ADORA2B: variants seen among roughly 807,000 people sequenced by gnomAD.
ADORA2B encodes the protein adenosine receptor A2b.
A neutral mutation model predicts 20.8 loss-of-function variants in ADORA2B; 18 were observed. The observed-to-expected ratio is 0.87, with a 90% CI of 0.60 to 1.29. The LOEUF is 1.29. Ranked by LOEUF, ADORA2B falls within the 50% of genes most tolerant of loss-of-function variation. The probability of loss-of-function intolerance (pLI) is 0.00; values close to 1 mark genes in which losing one functional copy is unlikely to be tolerated. For synonymous variants in ADORA2B, 179 were observed against 178.3 expected (o/e 1.00, Z -0.03); for missense variants, 441 against 422.7 (o/e 1.04, Z -0.38).
chr17:15,940,391 C>T (rs1969733415), upstream of ADORA2B, among the ~76,000 whole-genome samples: 1 of 152,178 alleles, frequency 6.6e-6, no homozygotes, highest in Non-Finnish European at 1.5e-5. Flanking sequence ...GAACCAGTGA[C>T]AAGTCCTTGG....
At chr17:15,896,429 A>G in the ADORA2B span, among the ~76,000 whole-genome samples, 49,819 of 152,000 alleles carry the variant, frequency 0.33, 8,841 homozygotes, top group African/African-American at 0.46. Context: ...AAAATGTGGA[A>G]TTAAAACCAC....
the ADORA2B span, among the ~76,000 whole-genome samples, chr17:15,932,216 C>T: frequency 0.015 from 2,292 of 151,800 alleles, 69 homozygotes; most frequent in African/African-American, 0.052. Flanking sequence ...AATTGTTGGC[C>T]GGGCATGGTG....
At chr17:15,933,843 T>G in the ADORA2B span, among the ~76,000 whole-genome samples, 4 of 152,164 alleles carry the variant, frequency 2.6e-5, no homozygotes, top group Admixed American at 6.5e-5. Flanking sequence ...ATTTGTTTTT[T>G]AATTTTTTCT....
the ADORA2B span, among the ~76,000 whole-genome samples, chr17:15,900,507 A>T: frequency 6.6e-6 from 1 of 151,950 alleles, no homozygotes; most frequent in East Asian, 1.9e-4. Context: ...AAGCACAGTG[A>T]TATGATGATA....
the ADORA2B span, among the ~76,000 whole-genome samples, chr17:15,879,285 AC>A: frequency 9.9e-5 from 15 of 152,116 alleles, no homozygotes; most frequent in African/African-American, 3.6e-4. Context: ...ACCTCCTCTT[AC>A]AAAAATGTTT....
the ADORA2B span, among the ~76,000 whole-genome samples, chr17:15,873,127 T>G: frequency 6.6e-6 from 1 of 152,346 alleles, no homozygotes; most frequent in African/African-American, 2.4e-5. Context: ...TGCTGAACTT[T>G]GTTGAATGCT....
the ADORA2B span, among the ~76,000 whole-genome samples, chr17:15,923,197 C>T: frequency 3.3e-5 from 3 of 90,356 alleles, no homozygotes; most frequent in African/African-American, 5.4e-5. Flanking sequence ...TAATTTCTTT[C>T]TTTTTTTAAT....
chr17:15,871,550 G>A, the ADORA2B span, among the ~76,000 whole-genome samples: 3 of 152,200 alleles, frequency 2.0e-5, no homozygotes, highest in Non-Finnish European at 4.4e-5. Context: ...GAACTGATGA[G>A]AGGGGCTCAC....
At chr17:15,856,420 G>A in the ADORA2B span, among the ~76,000 whole-genome samples, 1 of 152,100 alleles carries the variant, frequency 6.6e-6, no homozygotes, top group African/African-American at 2.4e-5. Context: ...TTATAGCCGC[G>A]TGAAAACTGA....
intron 1 of ADORA2B, among the ~76,000 whole-genome samples, chr17:15,955,361 A>G (rs1025542874): frequency 6.9e-6 from 1 of 144,344 alleles, no homozygotes; most frequent in Non-Finnish European, 1.5e-5. Flanking sequence ...CCTTATCTCC[A>G]TTTCCTCTGT....
chr17:15,883,465 G>A, the ADORA2B span, among the ~76,000 whole-genome samples: 1 of 152,200 alleles, frequency 6.6e-6, no homozygotes, highest in East Asian at 1.9e-4. Flanking sequence ...GTGGCAGGTG[G>A]TCTCTCAGCC....
At chr17:15,941,054 A>G (rs750133868), upstream of ADORA2B, among the ~76,000 whole-genome samples, 1 of 152,208 alleles carries the variant, frequency 6.6e-6, no homozygotes, top group Non-Finnish European at 1.5e-5. Context: ...GAGAGGGGTG[A>G]GAGATGAGAC....
the ADORA2B span, among the ~76,000 whole-genome samples, chr17:15,925,160 C>G: frequency 3.3e-5 from 5 of 152,152 alleles, no homozygotes; most frequent in Admixed American, 6.5e-5. Flanking sequence ...CTCAGCCTCC[C>G]GAGTAGCTGA....
the ADORA2B span, among the ~76,000 whole-genome samples, chr17:15,929,079 C>G: frequency 1.3e-5 from 2 of 152,080 alleles, no homozygotes; most frequent in Non-Finnish European, 2.9e-5. Flanking sequence ...GAAACAGCAT[C>G]TTCAGGGGAG....
the ADORA2B span, among the ~76,000 whole-genome samples, chr17:15,892,395 C>T: frequency 3.3e-5 from 5 of 152,008 alleles, no homozygotes; most frequent in Non-Finnish European, 1.5e-5. Flanking sequence ...TCTCAGATTC[C>T]AGACCTCAGG....
At chr17:15,904,843 C>T in the ADORA2B span, among the ~76,000 whole-genome samples, 1 of 152,078 alleles carries the variant, frequency 6.6e-6, no homozygotes, top group Non-Finnish European at 1.5e-5. Flanking sequence ...TTCTGTACAC[C>T]TTTGTCAAAA....
the ADORA2B span, among the ~76,000 whole-genome samples, chr17:15,918,381 G>A: frequency 5.3e-5 from 8 of 152,170 alleles, no homozygotes; most frequent in Non-Finnish European, 1.0e-4. Flanking sequence ...CCTTTCCTCC[G>A]GTAGGGGCCT....
chr17:15,935,134 T>A, the ADORA2B span, among the ~76,000 whole-genome samples: 1 of 152,198 alleles, frequency 6.6e-6, no homozygotes, highest in Non-Finnish European at 1.5e-5. Context: ...CTCTCTTTTA[T>A]AGTTGTCTTT....
the ADORA2B span, among the ~76,000 whole-genome samples, chr17:15,909,059 G>T: frequency 6.6e-6 from 1 of 151,812 alleles, no homozygotes; most frequent in Non-Finnish European, 1.5e-5. Flanking sequence ...GTGTGGTAGC[G>T]CTCACACCTA....
Sources: allele counts gnomAD v4.1 joint callset (sites outside exome capture counted in the v4.1 genomes callset), GRCh38; gene constraint gnomAD v4.1.1; transcripts MANE v1.5; gene names NCBI Gene and HGNC (gene_info 2026-07-23, HGNC 2026-07-21).